The following ANXA8 variants were observed in gnomAD, a reference collection of about 807,000 sequenced individuals.
ANXA8 encodes the protein VAC-beta.
ANXA8 carries 9 observed loss-of-function variants against 26.8 expected under a neutral mutation model. The observed-to-expected ratio is 0.34, with a 90% CI of 0.20 to 0.59. ANXA8 has a LOEUF of 0.59. ANXA8 is among the 20% of genes least tolerant of loss of function. ANXA8 has a pLI of 0.84. For missense variants in ANXA8, 83 were observed against 238.5 expected (o/e 0.35, Z 4.29); for synonymous variants, 39 against 94.8 (o/e 0.41, Z 3.42).
At chr10:47,701,400 G>A in the ANXA8 span, among the ~76,000 whole-genome samples, 2 of 151,770 alleles carry the variant, frequency 1.3e-5, no homozygotes, top group Non-Finnish European at 2.9e-5. Context: ...CCAACAATAT[G>A]AAAATACATA....
chr10:47,590,407 C>T, the ANXA8 span: 1 of 146,648 alleles, frequency 6.8e-6, no homozygotes, highest in Non-Finnish European at 1.5e-5. Flanking sequence ...GAGTTGTGAC[C>T]CAAGTGCTGG....
the ANXA8 span, among the ~76,000 whole-genome samples, chr10:47,932,418 C>T: frequency 6.6e-6 from 1 of 150,990 alleles, no homozygotes; most frequent in South Asian, 2.1e-4. Context: ...CTTATCGGCT[C>T]ATGGAATGGG....
At chr10:47,675,869 A>C in the ANXA8 span, among the ~76,000 whole-genome samples, 2 of 151,800 alleles carry the variant, frequency 1.3e-5, no homozygotes, top group African/African-American at 4.9e-5. Context: ...AAGGTTAACA[A>C]TATGCTTGAA....
intron 11 of ANXA8, among the ~76,000 whole-genome samples, chr10:47,469,594 C>T: frequency 6.6e-6 from 1 of 151,792 alleles, no homozygotes; most frequent in Non-Finnish European, 1.5e-5. Flanking sequence ...GTGGTAGGTC[C>T]TGATGGGACT....
At chr10:47,555,056 T>C in the ANXA8 span, among the ~76,000 whole-genome samples, 2 of 150,806 alleles carry the variant, frequency 1.3e-5, no homozygotes, top group African/African-American at 4.9e-5. Context: ...CCACCTCCTA[T>C]CTAGAGCAAT....
the ANXA8 span, among the ~76,000 whole-genome samples, chr10:47,647,937 A>G: frequency 6.6e-6 from 1 of 151,900 alleles, no homozygotes; most frequent in African/African-American, 2.4e-5. Context: ...CCACATACGG[A>G]CTTCCTCAGA....
At chr10:47,653,471 G>A in the ANXA8 span, among the ~76,000 whole-genome samples, 20 of 151,738 alleles carry the variant, frequency 1.3e-4, no homozygotes, top group East Asian at 3.9e-4. Flanking sequence ...AAGTAGTCAC[G>A]TGTGGCTCTT....
chr10:47,777,157 A>G, the ANXA8 span, among the ~76,000 whole-genome samples: 3 of 151,526 alleles, frequency 2.0e-5, no homozygotes, highest in Non-Finnish European at 2.9e-5. Context: ...ATCGGGGGCA[A>G]TTAGCAATCT....
At chr10:47,978,227 G>GA in the ANXA8 span, among the ~76,000 whole-genome samples, 22 of 151,492 alleles carry the variant, frequency 1.5e-4, no homozygotes, top group Middle Eastern at 3.4e-3. Flanking sequence ...AGGTATCTTT[G>GA]AAAAAAAAGA....
At chr10:47,510,102 G>A in the ANXA8 span, 1 of 1,411,934 alleles carries the variant, frequency 7.1e-7, no homozygotes, top group East Asian at 3.3e-5. Flanking sequence ...TTGCTGAAGA[G>A]GACAACCAAA....
At chr10:47,659,454 C>T in the ANXA8 span, among the ~76,000 whole-genome samples, 18 of 151,568 alleles carry the variant, frequency 1.2e-4, no homozygotes, top group African/African-American at 1.9e-4. Context: ...CCGAGGTGGG[C>T]GGATCACCTG....
chr10:47,744,423 T>TGGGG, the ANXA8 span, among the ~76,000 whole-genome samples: 2 of 6,436 alleles, frequency 3.1e-4, no homozygotes, highest in African/African-American at 1.3e-3. Flanking sequence ...GGGGGGGGGT[T>TGGGG]GGGGGGGAGG....
the ANXA8 span, among the ~76,000 whole-genome samples, chr10:47,916,415 G>A: frequency 8.1e-6 from 1 of 124,208 alleles, no homozygotes. Flanking sequence ...AACTCTGGGA[G>A]TATTGGTTTA....
the ANXA8 span, among the ~76,000 whole-genome samples, chr10:47,944,777 C>A: frequency 6.7e-6 from 1 of 150,274 alleles, no homozygotes; most frequent in Non-Finnish European, 1.5e-5. Flanking sequence ...GTCGATTAAA[C>A]CTTTTTCTTT....
At chr10:47,639,317 T>TG in the ANXA8 span, among the ~76,000 whole-genome samples, 1 of 76,254 alleles carries the variant, frequency 1.3e-5, no homozygotes, top group Non-Finnish European at 2.6e-5. Context: ...TATTATTATT[T>TG]TTTTTTTTTT....
At chr10:47,667,459 G>A in the ANXA8 span, among the ~76,000 whole-genome samples, 1 of 151,828 alleles carries the variant, frequency 6.6e-6, no homozygotes, top group African/African-American at 2.4e-5. Context: ...TGGTTGTACT[G>A]TATTTTAAAC....
the ANXA8 span, among the ~76,000 whole-genome samples, chr10:47,656,064 A>G: frequency 4.6e-5 from 7 of 151,584 alleles, no homozygotes; most frequent in African/African-American, 1.5e-4. Flanking sequence ...GTAGCAGATA[A>G]GAGGTAAGGA....
the ANXA8 span, among the ~76,000 whole-genome samples, chr10:47,684,922 G>A: frequency 1.3e-5 from 2 of 149,890 alleles, no homozygotes; most frequent in African/African-American, 2.5e-5. Context: ...GCTATCATTA[G>A]TGTTAACTGT....
At chr10:47,500,004 C>T in the ANXA8 span, among the ~76,000 whole-genome samples, 33 of 151,596 alleles carry the variant, frequency 2.2e-4, 1 homozygote, top group South Asian at 4.4e-3. Flanking sequence ...GTCCTACACT[C>T]GAGCAGTCCT....
Sources: gnomAD v4.1 joint callset for allele counts (sites outside exome capture counted in the v4.1 genomes callset) on GRCh38, gnomAD v4.1.1 for gene constraint, MANE v1.5 for transcripts, NCBI Gene and HGNC (gene_info 2026-07-23, HGNC 2026-07-21) for gene names.